The following SLC35F1 variants were observed in gnomAD, a reference collection of about 807,000 sequenced individuals.
SLC35F1 encodes solute carrier family 35 member F1, also known as chromosome 6 open reading frame 169.
SLC35F1 carries 14 observed loss-of-function variants against 48.7 expected under a neutral mutation model. That is an observed-to-expected ratio of 0.29 (90% CI 0.19 to 0.45). The LOEUF is 0.45. SLC35F1 is among the 20% of genes least tolerant of loss of function. SLC35F1 has a pLI of 1.00. For synonymous variants in SLC35F1, 190 were observed against 202.2 expected (o/e 0.94, Z 0.51); for missense variants, 404 against 500.0 (o/e 0.81, Z 1.83).
At chr6:118,091,215 G>A (rs1773068654) in intron 1 of SLC35F1, among the ~76,000 whole-genome samples, 1 of 152,160 alleles carries the variant, frequency 6.6e-6, no homozygotes, top group Non-Finnish European at 1.5e-5. Context: ...CAGTGGCAAT[G>A]CCTAATGGGT....
chr6:118,112,382 C>T (rs1379608454), intron 1 of SLC35F1, among the ~76,000 whole-genome samples: 1 of 152,012 alleles, frequency 6.6e-6, no homozygotes, highest in Non-Finnish European at 1.5e-5. Context: ...GTACATCTCC[C>T]CATGATCTTT....
intron 7 of SLC35F1, among the ~76,000 whole-genome samples, chr6:118,293,872 C>T (rs1228191989): frequency 6.6e-6 from 1 of 152,198 alleles, no homozygotes; most frequent in Non-Finnish European, 1.5e-5. Flanking sequence ...TCAACATCTG[C>T]CACATAAAGT....
chr6:118,153,387 G>A (rs36064586), intron 1 of SLC35F1, among the ~76,000 whole-genome samples: 6 of 152,100 alleles, frequency 3.9e-5, no homozygotes, highest in Non-Finnish European at 4.4e-5. Flanking sequence ...AACATGTATC[G>A]AAACATGAGA....
intron 1 of SLC35F1, among the ~76,000 whole-genome samples, chr6:118,104,878 A>G (rs1287910138): frequency 5.3e-5 from 8 of 152,136 alleles, no homozygotes; most frequent in Non-Finnish European, 8.8e-5. Flanking sequence ...TACTGTGACC[A>G]TGATGTTCTC....
At chr6:118,092,612 C>T (rs2114347033) in intron 1 of SLC35F1, among the ~76,000 whole-genome samples, 1 of 152,296 alleles carries the variant, frequency 6.6e-6, no homozygotes, top group Non-Finnish European at 1.5e-5. Context: ...CAATGCCAGC[C>T]CATGAAAGTA....
intron 3 of SLC35F1, among the ~76,000 whole-genome samples, chr6:118,256,332 A>C (rs1217541644): frequency 6.6e-6 from 1 of 151,330 alleles, no homozygotes; most frequent in Non-Finnish European, 1.5e-5. Flanking sequence ...TATATATGTC[A>C]CTTTTAGAAA....
At chr6:118,230,637 C>T (rs73525872) in intron 2 of SLC35F1, among the ~76,000 whole-genome samples, 6,631 of 152,184 alleles carry the variant, frequency 0.044, 243 homozygotes, top group African/African-American at 0.086. Context: ...TTTGAATACA[C>T]GCACACATAG....
intron 7 of SLC35F1, among the ~76,000 whole-genome samples, chr6:118,294,373 AG>A (rs1776158711): frequency 6.6e-6 from 1 of 152,244 alleles, no homozygotes; most frequent in Non-Finnish European, 1.5e-5. Context: ...GGGTTGTTAA[AG>A]TAAAATGCCA....
chr6:117,914,317 T>C (rs527340342), intron 1 of SLC35F1, among the ~76,000 whole-genome samples: 11 of 149,980 alleles, frequency 7.3e-5, no homozygotes, highest in African/African-American at 2.4e-4. Context: ...AAGCCACCAA[T>C]TCCTAATAAA....
At chr6:118,026,654 C>T (rs1201139357) in intron 1 of SLC35F1, among the ~76,000 whole-genome samples, 1 of 152,014 alleles carries the variant, frequency 6.6e-6, no homozygotes, top group African/African-American at 2.4e-5. Flanking sequence ...TTTTATTATT[C>T]AAAGGATTTT....
intron 1 of SLC35F1, among the ~76,000 whole-genome samples, chr6:117,923,579 G>GTGTATATATACATA (rs1343109036): frequency 5.7e-5 from 5 of 87,030 alleles, no homozygotes; most frequent in African/African-American, 1.9e-4. Flanking sequence ...ATACATATGT[G>GTGTATATATACATA]TGTGTATATA....
chr6:117,922,974 C>T (rs1408106745), intron 1 of SLC35F1, among the ~76,000 whole-genome samples: 1 of 152,116 alleles, frequency 6.6e-6, no homozygotes, highest in Non-Finnish European at 1.5e-5. Flanking sequence ...ATCATCTTTG[C>T]TATCTTTAAA....
At chr6:117,912,343 T>A (rs1275290072) in intron 1 of SLC35F1, among the ~76,000 whole-genome samples, 2 of 152,240 alleles carry the variant, frequency 1.3e-5, no homozygotes, top group African/African-American at 4.8e-5. Flanking sequence ...AAAATCAATG[T>A]CCAAGTAGGA....
At chr6:118,104,477 T>C (rs1773302519) in intron 1 of SLC35F1, among the ~76,000 whole-genome samples, 1 of 152,206 alleles carries the variant, frequency 6.6e-6, no homozygotes, top group Admixed American at 6.5e-5. Flanking sequence ...CAGTAAATGC[T>C]CAATAAATGT....
At chr6:118,282,706 C>G (rs1395163987) in intron 6 of SLC35F1, among the ~76,000 whole-genome samples, 1 of 152,192 alleles carries the variant, frequency 6.6e-6, no homozygotes, top group Non-Finnish European at 1.5e-5. Flanking sequence ...TATGGCGTCA[C>G]AGTTCACCTA....
chr6:118,086,798 G>T (rs892024721), intron 1 of SLC35F1, among the ~76,000 whole-genome samples: 1 of 152,024 alleles, frequency 6.6e-6, no homozygotes, highest in African/African-American at 2.4e-5. Flanking sequence ...TCCTCATTTT[G>T]TACTTGTCCT....
At chr6:117,947,239 C>T (rs1371109163) in intron 1 of SLC35F1, among the ~76,000 whole-genome samples, 1 of 152,078 alleles carries the variant, frequency 6.6e-6, no homozygotes, top group Admixed American at 6.6e-5. Context: ...ACAGAAGGAA[C>T]CAGAAATGCA....
chr6:118,016,926 C>T (rs918992632), intron 1 of SLC35F1, among the ~76,000 whole-genome samples: 4 of 152,228 alleles, frequency 2.6e-5, no homozygotes, highest in South Asian at 2.1e-4. Context: ...ACAAAAAATC[C>T]TCTTGTGGTG....
chr6:117,951,062 G>A (rs766417775), intron 1 of SLC35F1, among the ~76,000 whole-genome samples: 32 of 152,130 alleles, frequency 2.1e-4, no homozygotes, highest in Middle Eastern at 3.4e-3. Context: ...TCTTAGGCTC[G>A]AATGGGAACA....
Sources: gnomAD v4.1 joint callset for allele counts (sites outside exome capture counted in the v4.1 genomes callset) on GRCh38, gnomAD v4.1.1 for gene constraint, MANE v1.5 for transcripts, NCBI Gene and HGNC (gene_info 2026-07-23, HGNC 2026-07-21) for gene names.